The following LRP1B variants were observed in gnomAD, a reference collection of about 807,000 sequenced individuals.
LRP1B encodes low-density lipoprotein receptor-related protein 1B.
In LRP1B, 217 loss-of-function variants were observed where a neutral mutation model predicts 556.6. The observed-to-expected ratio is 0.39, with a 90% CI of 0.35 to 0.44. LRP1B has a LOEUF of 0.44. Ranked by LOEUF, LRP1B falls within the 20% of genes least tolerant of loss-of-function variation. LRP1B has a pLI of 1.00. For synonymous variants in LRP1B, 2,047 were observed against 1,865.8 expected, an observed-to-expected ratio of 1.10 and a Z score of -2.50; for missense variants, 5,053 against 5,620.8, an observed-to-expected ratio of 0.90 and a Z score of 3.23.
intron 7 of LRP1B, among the ~76,000 whole-genome samples, chr2:141,167,676 T>C (rs1476647547): frequency 6.6e-6 from 1 of 151,964 alleles, no homozygotes; most frequent in African/African-American, 2.4e-5. Context: ...AATTCATCTT[T>C]ACTTTTTAAA....
intron 90 of LRP1B, 108 bp from the exon 91 acceptor site, chr2:140,233,434 A>G (rs1442707883): frequency 1.5e-6 from 1 of 657,420 alleles, no homozygotes; most frequent in African/African-American, 1.9e-5. Flanking sequence ...TATATGCAAT[A>G]CATTTAATTT....
At chr2:140,889,629 A>T (rs559886261) in intron 23 of LRP1B, among the ~76,000 whole-genome samples, 2 of 152,146 alleles carry the variant, frequency 1.3e-5, no homozygotes, top group Non-Finnish European at 1.5e-5. Context: ...CAATTTACAC[A>T]GTCCTCACAA....
At chr2:140,527,491 T>C (rs4589693) in intron 47 of LRP1B, among the ~76,000 whole-genome samples, 9,408 of 151,984 alleles carry the variant, frequency 0.062, 970 homozygotes, top group African/African-American at 0.21. Context: ...TCATAATGTA[T>C]GGTTCTTATT....
chr2:141,361,632 C>A (rs548095404), intron 3 of LRP1B, among the ~76,000 whole-genome samples: 20 of 152,206 alleles, frequency 1.3e-4, no homozygotes, highest in Non-Finnish European at 2.5e-4. Flanking sequence ...TTTCTTTTAA[C>A]TGATTAGTTC....
chr2:140,492,513 G>C (rs1688744843), intron 57 of LRP1B, 95 bp downstream of exon 57: 2 of 744,210 alleles, frequency 2.7e-6, no homozygotes, highest in Admixed American at 2.4e-5. Flanking sequence ...CTAAAAATAT[G>C]CTTCACAAAC....
At chr2:142,015,941 G>A (rs1400151831) in intron 1 of LRP1B, among the ~76,000 whole-genome samples, 2 of 126,514 alleles carry the variant, frequency 1.6e-5, no homozygotes, top group African/African-American at 3.0e-5. Flanking sequence ...GCAGTGAGCC[G>A]AGATCGTGCC....
At chr2:141,672,941 T>G (rs1369355204) in intron 2 of LRP1B, among the ~76,000 whole-genome samples, 1 of 152,184 alleles carries the variant, frequency 6.6e-6, no homozygotes, top group Non-Finnish European at 1.5e-5. Context: ...TGTGCCACTC[T>G]ACCAAGCCCT....
intron 86 of LRP1B, among the ~76,000 whole-genome samples, chr2:140,263,498 T>A (rs559083159): frequency 6.6e-6 from 1 of 152,268 alleles, no homozygotes; most frequent in African/African-American, 2.4e-5. Context: ...AATCTTCAAT[T>A]TCGCTTAACA....
At chr2:142,105,539 C>A (rs1449074325) in intron 1 of LRP1B, among the ~76,000 whole-genome samples, 1 of 151,546 alleles carries the variant, frequency 6.6e-6, no homozygotes, top group African/African-American at 2.4e-5. Flanking sequence ...GAATTTTCTG[C>A]TTATGGTTGA....
chr2:140,463,158 G>T (rs925556084), intron 60 of LRP1B, among the ~76,000 whole-genome samples: 5 of 152,096 alleles, frequency 3.3e-5, no homozygotes, highest in Admixed American at 2.6e-4. Flanking sequence ...GAAAGTGGAA[G>T]ATTCATGACA....
chr2:141,319,311 T>TTTTTTG (rs1559002079), intron 3 of LRP1B, among the ~76,000 whole-genome samples: 9 of 87,976 alleles, frequency 1.0e-4, no homozygotes, highest in African/African-American at 3.1e-4. Context: ...TTTTTTGTTG[T>TTTTTTG]TTTTTTTTTT....
At chr2:141,249,814 T>C (rs1010576334) in intron 4 of LRP1B, among the ~76,000 whole-genome samples, 4 of 152,176 alleles carry the variant, frequency 2.6e-5, no homozygotes, top group Non-Finnish European at 4.4e-5. Context: ...ATTATTGTAC[T>C]GATGTTGATG....
rs563600537 is a variant in LRP1B at position 141,451,628 on chromosome 2, T to C, written c.343+28768A>G. Among the ~76,000 whole-genome samples the C allele has an allele frequency of 7.2e-5, 11 of 152,088 alleles. No homozygotes were observed. The South Asian group carries it at 2.3e-3, about 32-fold the overall frequency. On this transcript the variant is annotated intron_variant, in intron 3 of 90. Transcript: ENST00000389484. ...TTGTTCTCATAGAAGTTATACGTTATAAAAAAAACTGGCCACAAACAGAAG... is the reference window on the plus strand; with the variant it reads ...TTGTTCTCATAGAAGTTATACGTTACAAAAAAAACTGGCCACAAACAGAAG...
intron 35 of LRP1B, among the ~76,000 whole-genome samples, chr2:140,761,150 A>G (rs1475082286): frequency 1.3e-5 from 2 of 152,194 alleles, no homozygotes; most frequent in Non-Finnish European, 2.9e-5. Context: ...ACAGTCTACT[A>G]TTAACTGGAG....
intron 2 of LRP1B, among the ~76,000 whole-genome samples, chr2:141,770,478 G>C (rs1694866958): frequency 6.6e-6 from 1 of 152,152 alleles, no homozygotes; most frequent in Admixed American, 6.5e-5. Context: ...CATACCCTGA[G>C]TCATTTCACT....
At chr2:140,311,919 A>T (rs1253767619) in intron 83 of LRP1B, among the ~76,000 whole-genome samples, 1 of 151,848 alleles carries the variant, frequency 6.6e-6, no homozygotes, top group African/African-American at 2.4e-5. Flanking sequence ...TTTACTACAT[A>T]TGTTTTGTCA....
chr2:141,792,921 T>C (rs1021662968), intron 2 of LRP1B, among the ~76,000 whole-genome samples: 13 of 152,050 alleles, frequency 8.5e-5, no homozygotes, highest in Admixed American at 8.5e-4. Context: ...TTATAATATG[T>C]CTTTCATAGG....
At chr2:142,008,854 A>G (rs1702873987) in intron 1 of LRP1B, among the ~76,000 whole-genome samples, 1 of 151,994 alleles carries the variant, frequency 6.6e-6, no homozygotes, top group African/African-American at 2.4e-5. Flanking sequence ...TATTTTATTT[A>G]TATATGCTTT....
intron 32 of LRP1B, among the ~76,000 whole-genome samples, chr2:140,806,341 T>A (rs1486823706): frequency 1.3e-5 from 2 of 152,202 alleles, no homozygotes; most frequent in African/African-American, 2.4e-5. Flanking sequence ...TATGTCATGA[T>A]AATTTTAGAT....
Sources: allele counts gnomAD v4.1 joint callset (sites outside exome capture counted in the v4.1 genomes callset), GRCh38; gene constraint gnomAD v4.1.1; transcripts MANE v1.5; gene names NCBI Gene and HGNC (gene_info 2026-07-23, HGNC 2026-07-21).